The following RBM20 variants were observed in gnomAD, a reference collection of about 807,000 sequenced individuals.
RBM20 encodes RNA-binding protein 20.
Under a neutral mutation model 110.1 loss-of-function variants are expected in RBM20, and 51 were observed. That is an observed-to-expected ratio of 0.46 (90% CI 0.37 to 0.59). The LOEUF (loss-of-function observed/expected upper bound fraction) is 0.59. RBM20 is among the 20% of genes least tolerant of loss of function. The pLI is 0.00. For synonymous variants in RBM20, 589 were observed against 618.2 expected, an observed-to-expected ratio of 0.95 and a Z score of 0.70; for missense variants, 1,512 against 1,574.9, an observed-to-expected ratio of 0.96 and a Z score of 0.68.
chr10:110,664,531 G>C (rs1414206197), intron 1 of RBM20, among the ~76,000 whole-genome samples: 1 of 152,130 alleles, frequency 6.6e-6, no homozygotes, highest in Admixed American at 6.5e-5. Flanking sequence ...GGAATCACCT[G>C]AGGTCAGGAG....
intron 1 of RBM20, among the ~76,000 whole-genome samples, chr10:110,659,939 A>G (rs1278933588): frequency 2.7e-5 from 4 of 150,550 alleles, no homozygotes; most frequent in Admixed American, 6.6e-5. Flanking sequence ...TCAACCTCCC[A>G]AGGAGCTGGG....
At chr10:110,663,123 C>G (rs1862129707) in intron 1 of RBM20, among the ~76,000 whole-genome samples, 1 of 152,148 alleles carries the variant, frequency 6.6e-6, no homozygotes, top group African/African-American at 2.4e-5. Flanking sequence ...CACTGCCACA[C>G]CCAGCTAATT....
At chr10:110,797,411 C>A in intron 5 of RBM20, 97 bp from the exon 6 acceptor site, 1 of 1,199,366 alleles carries the variant, frequency 8.3e-7, no homozygotes, top group Non-Finnish European at 1.1e-6. Flanking sequence ...GTTTTACAAT[C>A]ATTGTTTAGG....
chr10:110,672,504 G>T (rs11596304), intron 1 of RBM20, among the ~76,000 whole-genome samples: 1 of 152,218 alleles, frequency 6.6e-6, no homozygotes, highest in Non-Finnish European at 1.5e-5. Flanking sequence ...CGGAGCTTCC[G>T]TGATCGTCAG....
chr10:110,785,942 C>T (rs1001690967), intron 5 of RBM20, among the ~76,000 whole-genome samples: 1 of 152,138 alleles, frequency 6.6e-6, no homozygotes, highest in Non-Finnish European at 1.5e-5. Context: ...GCACCAGTAG[C>T]ATTTGTTGGC....
At chr10:110,736,092 A>G (rs2134959957) in intron 1 of RBM20, among the ~76,000 whole-genome samples, 1 of 152,336 alleles carries the variant, frequency 6.6e-6, no homozygotes, top group East Asian at 1.9e-4. Flanking sequence ...AGACCTGGAG[A>G]TGAAACACAA....
At chr10:110,708,673 C>A (rs1271776626) in intron 1 of RBM20, among the ~76,000 whole-genome samples, 1 of 152,112 alleles carries the variant, frequency 6.6e-6, no homozygotes, top group Non-Finnish European at 1.5e-5. Context: ...AGTTTTATAG[C>A]TCTGAGTTCA....
At chr10:110,728,084 C>G (rs914577858) in intron 1 of RBM20, among the ~76,000 whole-genome samples, 1 of 152,212 alleles carries the variant, frequency 6.6e-6, no homozygotes, top group East Asian at 1.9e-4. Context: ...CAAGTCTTTG[C>G]TATTGTAAAT....
intron 1 of RBM20, among the ~76,000 whole-genome samples, chr10:110,765,743 G>C (rs2027417): frequency 0.42 from 64,077 of 151,930 alleles, 13,670 homozygotes; most frequent in South Asian, 0.47. Flanking sequence ...AAACGGCATG[G>C]ACGGGGTGTC....
chr10:110,738,229 G>A (rs776454934), intron 1 of RBM20, among the ~76,000 whole-genome samples: 16 of 152,158 alleles, frequency 1.1e-4, no homozygotes, highest in Non-Finnish European at 1.5e-4. Flanking sequence ...AACAGAGAGA[G>A]AGTTGGCGGC....
intron 1 of RBM20, among the ~76,000 whole-genome samples, chr10:110,743,470 T>C (rs1172290859): frequency 6.6e-6 from 1 of 152,200 alleles, no homozygotes; most frequent in African/African-American, 2.4e-5. Flanking sequence ...TACTAGGTTT[T>C]AATGGTCAAC....
intron 12 of RBM20, among the ~76,000 whole-genome samples, chr10:110,825,514 T>C (rs1337051015): frequency 6.6e-6 from 1 of 152,250 alleles, no homozygotes; most frequent in East Asian, 1.9e-4. Context: ...AGAGGTAGCC[T>C]ACCACTGTCA....
At chr10:110,716,299 A>G (rs928661121) in intron 1 of RBM20, among the ~76,000 whole-genome samples, 1 of 151,260 alleles carries the variant, frequency 6.6e-6, no homozygotes, top group Non-Finnish European at 1.5e-5. Flanking sequence ...CCATAGAACA[A>G]CTCCTGCAAC....
chr10:110,720,126 C>T (rs771845141), intron 1 of RBM20, among the ~76,000 whole-genome samples: 2 of 152,282 alleles, frequency 1.3e-5, no homozygotes, highest in Non-Finnish European at 2.9e-5. Context: ...TCCTAAAGCC[C>T]TCAACTCCTG....
chr10:110,732,390 A>G (rs1843628664), intron 1 of RBM20, among the ~76,000 whole-genome samples: 1 of 152,134 alleles, frequency 6.6e-6, no homozygotes, highest in African/African-American at 2.4e-5. Context: ...GCTTCCTCTC[A>G]GATTCCTTTT....
chr10:110,735,657 G>C (rs910418911), intron 1 of RBM20, among the ~76,000 whole-genome samples: 1 of 152,128 alleles, frequency 6.6e-6, no homozygotes, highest in African/African-American at 2.4e-5. Context: ...AGGATTGCTG[G>C]GTGAAAGGTA....
At chr10:110,746,661 G>A (rs1843784769) in intron 1 of RBM20, among the ~76,000 whole-genome samples, 1 of 152,210 alleles carries the variant, frequency 6.6e-6, no homozygotes, top group Admixed American at 6.5e-5. Context: ...TTGGGAGCAG[G>A]CAGTGCTACC....
rs377091991 is a variant in RBM20, at chr10:110,784,352, G to A, written c.1349G>A (p.Arg450Gln). The part of the protein sequence containing the change: ...CLVFSENAGI[R>Q]CILGSAEGTL... The stretch of plus-strand genomic sequence containing the variant: ...CTCGCCCTCTCCAGTGCTGGCATCC[G>A]GTGTATACTTGGTTCGGCAGAGGGA... Residue 450 changes from arginine to glutamine, a missense_variant, in exon 4 of 14, where the codon CGG becomes CAG. By Grantham distance (43) the Arg-to-Gln change is conservative. Transcript: ENST00000369519. 2.5e-5 allele frequency: 38 copies of A among 1,550,558 alleles called. No individual in the cohort carries two copies. Among genetic ancestry groups the A allele is most frequent in the Admixed American group, 5.9e-5 (3 of 50,974 alleles).
At position 110,657,058 on chromosome 10, in the gene RBM20, C is replaced by G. The variant is rs536646834; in HGVS notation, c.191+12413C>G. Among the ~76,000 whole-genome samples the G allele has an allele frequency of 1.1e-4, 17 of 151,806 alleles. No homozygotes were observed. In the South Asian group the frequency reaches 3.5e-3, roughly 32 times the overall value. On this transcript the variant is annotated intron_variant, in intron 1 of 13. Coordinates refer to ENST00000369519, the MANE Select transcript of RBM20 (RefSeq NM_001134363.3). The stretch of plus-strand genomic sequence containing the variant: ...TTGAGATGGAATCTTGCTCTGGCAC[C>G]CAGGCTGGAGTGCATTGGCGTGATC...
Sources: allele counts gnomAD v4.1 joint callset (sites outside exome capture counted in the v4.1 genomes callset), GRCh38; gene constraint gnomAD v4.1.1; transcripts MANE v1.5; gene names NCBI Gene and HGNC (gene_info 2026-07-23, HGNC 2026-07-21).